Variants in GPR158 observed in about 807,000 individuals in gnomAD.
GPR158 encodes the protein G protein-coupled receptor 158.
In GPR158, 30 loss-of-function variants were observed where a neutral mutation model predicts 78.2. The observed-to-expected ratio is 0.38, with a 90% confidence interval of 0.29 to 0.52. The LOEUF is 0.52. Ranked by LOEUF, GPR158 falls within the 20% of genes least tolerant of loss-of-function variation. The pLI is 0.83. For synonymous variants in GPR158, 581 were observed against 591.1 expected (o/e 0.98, Z 0.25); for missense variants, 1,463 against 1,523.5 (o/e 0.96, Z 0.66).
chr10:25,396,027 G>T lies in GPR158; in HGVS notation c.1111+14G>T. 1 of 1,186,964 alleles carries T rather than the reference G, an allele frequency of 8.4e-7. No homozygotes were observed. The highest frequency in any genetic ancestry group is 1.3e-6 in the Non-Finnish European group (1 of 791,412). The allele number at this position is 1,186,964 out of a possible 1,614,324, so 73.5% of individuals were successfully genotyped here. A position where few individuals can be genotyped will look rare whatever the true frequency, so the allele number is the denominator to read the frequency against. ...ACAACTTTCGGAGTAAGTGCCCTTT[G>T]TTTCTATGTATATATATGTATATAC... On this transcript the variant is annotated intron_variant, in intron 3 of 10. Transcript: ENST00000376351.
chr10:25,537,045 C>T (rs969618236), intron 5 of GPR158, among the ~76,000 whole-genome samples: 1 of 152,208 alleles, frequency 6.6e-6, no homozygotes, highest in Non-Finnish European at 1.5e-5. Flanking sequence ...CTAAACTCCA[C>T]CTGTGTCTCA....
chr10:25,321,966 T>C (rs917273478), intron 2 of GPR158, among the ~76,000 whole-genome samples: 35 of 152,220 alleles, frequency 2.3e-4, no homozygotes, highest in African/African-American at 6.8e-4. Context: ...TTTTCTCTCT[T>C]TTATTCTGAA....
chr10:25,201,078 C>T lies in GPR158; in HGVS notation c.903-19974C>T, dbSNP rs1348068218. ...AGTTTGATAGAACTAGCACTGAATCCGTAAATTGCTTTGGGAAGTATGACC... is the reference window on the plus strand; with the variant it reads ...AGTTTGATAGAACTAGCACTGAATCTGTAAATTGCTTTGGGAAGTATGACC... On this transcript the variant is annotated intron_variant, in intron 1 of 10. Transcript: ENST00000376351. Among the ~76,000 whole-genome samples, 7 of 151,646 alleles carry T rather than the reference C, an allele frequency of 4.6e-5. No individual in the cohort carries two copies. The East Asian group carries it at 1.4e-3, about 29-fold the overall frequency.
At chr10:25,310,752 A>AGTTTGAAGT (rs1854752397) in intron 2 of GPR158, among the ~76,000 whole-genome samples, 1 of 151,714 alleles carries the variant, frequency 6.6e-6, no homozygotes, top group African/African-American at 2.4e-5. Context: ...GAAATTTATT[A>AGTTTGAAGT]TTTTTCTTTT....
At chr10:25,393,162 G>A (rs138481751) in intron 2 of GPR158, among the ~76,000 whole-genome samples, 7 of 152,154 alleles carry the variant, frequency 4.6e-5, no homozygotes, top group Admixed American at 2.0e-4. Flanking sequence ...ATTTTTTTAT[G>A]TTGGCTGTAG....
In GPR158 at chr10:25,550,843, A is replaced by G. The variant is rs564478706; in HGVS notation, c.1405-133A>G. 1.3e-5 allele frequency: 8 copies of G among 623,786 alleles called. No homozygotes were observed. The East Asian group carries it at 1.6e-4, about 13-fold the overall frequency. The allele number at this position is 623,786 out of a possible 1,614,324, so 38.6% of individuals were successfully genotyped here. On this transcript the variant is annotated intron_variant, in intron 5 of 10. Transcript: ENST00000376351. ...GGTCTGGACAATAAATGGTCAAAATAGTATTTTAAAGAAGTATTCAGATGA... is the reference window on the plus strand; with the variant it reads ...GGTCTGGACAATAAATGGTCAAAATGGTATTTTAAAGAAGTATTCAGATGA...
At chr10:25,521,219 C>A (rs1005173199) in intron 5 of GPR158, among the ~76,000 whole-genome samples, 4 of 152,224 alleles carry the variant, frequency 2.6e-5, no homozygotes. Flanking sequence ...CGCCCTGCTT[C>A]GGCTCGCGCA....
In GPR158 at chr10:25,340,080, C is replaced by G. The variant is rs1034523255; in HGVS notation, c.1009-55831C>G. 2.0e-5 allele frequency among the ~76,000 whole-genome samples: 3 copies of G among 152,036 alleles called. No individual in the cohort carries two copies. In the East Asian group the frequency reaches 5.8e-4, roughly 30 times the overall value. On this transcript the variant is annotated intron_variant, in intron 2 of 10. Transcript: ENST00000376351. ...CCAGGTCAGCCATACTGATTAAGCT[C>G]TAGGCCAGCCCTGTGTCTTCAAGGG...
chr10:25,285,270 C>T (rs917075993), intron 2 of GPR158, among the ~76,000 whole-genome samples: 2 of 151,768 alleles, frequency 1.3e-5, no homozygotes, highest in African/African-American at 4.8e-5. Flanking sequence ...TCTCTCTCTA[C>T]ACACACACAC....
rs765363860 is a variant in GPR158 at position 25,412,296 on chromosome 10, A to G, written c.1158A>G (p.Ser386=). 1 of 1,614,172 alleles carries G rather than the reference A, an allele frequency of 6.2e-7. No individual in the cohort carries two copies. The highest frequency in any genetic ancestry group is 1.7e-5 in the Admixed American group (1 of 60,024). The change falls in exon 4 of 11, where the codon TCA becomes TCG. Residue 386 remains serine, a synonymous_variant. Coordinates refer to ENST00000376351, the MANE Select transcript of GPR158 (RefSeq NM_020752.3). ...QHISGSTKDV[S]EEAYVCLPCR... ...TTTCAGGAAGTACAAAAGATGTGTC[A>G]GAAGAAGCCTATGTCTGCCTACCTT...
chr10:25,244,898 C>T (rs1347785564), intron 2 of GPR158: 1 of 150,714 alleles, frequency 6.6e-6, no homozygotes, highest in African/African-American at 2.4e-5. Flanking sequence ...CTCTTTTCTC[C>T]TGGATTTCTG....
intron 2 of GPR158, among the ~76,000 whole-genome samples, chr10:25,287,691 T>G (rs1200902955): frequency 6.6e-6 from 1 of 152,190 alleles, no homozygotes; most frequent in Non-Finnish European, 1.5e-5. Context: ...ATATCTTGTC[T>G]GTCCTTGCAA....
chr10:25,478,720 G>A (rs1588881099), intron 5 of GPR158, among the ~76,000 whole-genome samples: 1 of 151,766 alleles, frequency 6.6e-6, no homozygotes, highest in Non-Finnish European at 1.5e-5. Context: ...ATATATACAT[G>A]TGCCATGTTG....
In GPR158 at chr10:25,466,668, C is replaced by A. The variant is rs772207630; in HGVS notation, c.1353C>A (p.Gly451=). The A allele has an allele frequency of 1.2e-6, 2 of 1,605,930 alleles. No homozygotes were observed. Among genetic ancestry groups the A allele is most frequent in the Admixed American group, 3.4e-5 (2 of 59,316 alleles). The change falls in exon 5 of 11, where the codon GGC becomes GGA. Residue 451 remains glycine, a synonymous_variant. Coordinates refer to ENST00000376351, the MANE Select transcript of GPR158 (RefSeq NM_020752.3). ...FRKAKSIRAS[G]LILLETILFG... ...TTTTTCAGAGCATCCGGGCATCGGGCCTTATCCTGTTGGAAACGATCCTTT... is the reference window on the plus strand; with the variant it reads ...TTTTTCAGAGCATCCGGGCATCGGGACTTATCCTGTTGGAAACGATCCTTT...
At chr10:25,344,242 A>T (rs1855341390) in intron 2 of GPR158, among the ~76,000 whole-genome samples, 1 of 152,096 alleles carries the variant, frequency 6.6e-6, no homozygotes, top group East Asian at 1.9e-4. Flanking sequence ...TAAAGATTAT[A>T]TTAACAAATT....
chr10:25,277,005 A>G (rs921379696), intron 2 of GPR158, among the ~76,000 whole-genome samples: 1 of 151,112 alleles, frequency 6.6e-6, no homozygotes, highest in East Asian at 1.9e-4. Flanking sequence ...GCTGGAGTGC[A>G]GTGGCATGAT....
At chr10:25,531,122 ATTC>A (rs2130693401) in intron 5 of GPR158, among the ~76,000 whole-genome samples, 1 of 152,336 alleles carries the variant, frequency 6.6e-6, no homozygotes, top group East Asian at 1.9e-4. Flanking sequence ...TTCTTGAACA[ATTC>A]TTTTTTTGGA....
intron 2 of GPR158, among the ~76,000 whole-genome samples, chr10:25,387,422 A>G (rs763496287): frequency 3.3e-5 from 5 of 151,386 alleles, no homozygotes; most frequent in Non-Finnish European, 7.4e-5. Context: ...ATACTTGTCT[A>G]TTGTTTTCTT....
chr10:25,418,699 A>G (rs1311560065), intron 4 of GPR158, among the ~76,000 whole-genome samples: 2 of 83,760 alleles, frequency 2.4e-5, no homozygotes, highest in Non-Finnish European at 6.0e-5. Flanking sequence ...ATTTATTTTC[A>G]GATGGAAATT....
Sources: allele counts gnomAD v4.1 joint callset (sites outside exome capture counted in the v4.1 genomes callset), GRCh38; gene constraint gnomAD v4.1.1; transcripts MANE v1.5; gene names NCBI Gene and HGNC (gene_info 2026-07-23, HGNC 2026-07-21).